Variants in FMN1 observed in about 807,000 individuals in gnomAD.
FMN1 encodes the protein formin-1.
FMN1 carries 110 observed loss-of-function variants against 132.4 expected under a neutral mutation model. That is an observed-to-expected ratio of 0.83 (90% CI 0.71 to 0.97). FMN1 has a LOEUF of 0.97. Among genes scored for constraint, FMN1 ranks in the 50% least tolerant of loss-of-function variants. FMN1 has a pLI of 0.00. For synonymous variants in FMN1, 722 were observed against 651.7 expected (o/e 1.11, Z -1.64); for missense variants, 1,792 against 1,705.3 (o/e 1.05, Z -0.90).
intron 16 of FMN1, among the ~76,000 whole-genome samples, chr15:32,881,662 T>C (rs886301954): frequency 6.6e-6 from 1 of 152,180 alleles, no homozygotes; most frequent in African/African-American, 2.4e-5. Flanking sequence ...CTAATTTTTG[T>C]CTTTTTTCCT....
At chr15:33,041,422 G>T (rs1596533700) in intron 6 of FMN1, among the ~76,000 whole-genome samples, 1 of 126,086 alleles carries the variant, frequency 7.9e-6, no homozygotes, top group Non-Finnish European at 1.6e-5. Context: ...GAAAAAAATA[G>T]TTACTATTCA....
chr15:33,043,786 CCTTCTAAGTTGGCAGGG>C (rs1432302297), intron 6 of FMN1, among the ~76,000 whole-genome samples: 1 of 152,232 alleles, frequency 6.6e-6, no homozygotes, highest in Admixed American at 6.5e-5. Context: ...AAGCCCCACC[CCTTCTAAGTTGGCAGGG>C]CACAGCTGCA....
At chr15:32,972,439 T>C (rs1227054943) in intron 7 of FMN1, among the ~76,000 whole-genome samples, 2 of 152,228 alleles carry the variant, frequency 1.3e-5, no homozygotes, top group Non-Finnish European at 1.5e-5. Context: ...ACCCAATTAC[T>C]GGCTTTCATC....
intron 16 of FMN1, among the ~76,000 whole-genome samples, chr15:32,869,680 C>T (rs1222998269): frequency 6.6e-6 from 1 of 152,084 alleles, no homozygotes; most frequent in Non-Finnish European, 1.5e-5. Context: ...AACCCTGGGG[C>T]ATGTGCACAG....
At chr15:33,004,956 G>C (rs546028612) in intron 7 of FMN1, among the ~76,000 whole-genome samples, 9 of 152,048 alleles carry the variant, frequency 5.9e-5, no homozygotes, top group Admixed American at 3.9e-4. Flanking sequence ...ACCAAACACC[G>C]TATGTTCTCA....
intron 6 of FMN1, among the ~76,000 whole-genome samples, chr15:33,042,548 T>C (rs2036487786): frequency 1.3e-5 from 2 of 152,046 alleles, no homozygotes; most frequent in African/African-American, 2.4e-5. Context: ...GAGAAATACA[T>C]CAGCCAAAAA....
intron 4 of FMN1, among the ~76,000 whole-genome samples, chr15:33,107,380 C>A (rs1485452962): frequency 1.3e-5 from 2 of 152,060 alleles, no homozygotes; most frequent in Non-Finnish European, 2.9e-5. Flanking sequence ...CACACCATTC[C>A]TCAGATCAAA....
At chr15:32,828,543 T>C (rs2058426914) in intron 17 of FMN1, among the ~76,000 whole-genome samples, 2 of 152,148 alleles carry the variant, frequency 1.3e-5, no homozygotes, top group Admixed American at 6.5e-5. Flanking sequence ...TAACAGTGAA[T>C]AGACTCTAGC....
chr15:33,077,502 T>C (rs1398622093), intron 5 of FMN1, among the ~76,000 whole-genome samples: 3 of 151,956 alleles, frequency 2.0e-5, no homozygotes, highest in African/African-American at 7.2e-5. Context: ...CTCATAATGC[T>C]ATCCCTCCCC....
At chr15:33,032,333 A>C (rs1324982448) in intron 6 of FMN1, among the ~76,000 whole-genome samples, 1 of 152,268 alleles carries the variant, frequency 6.6e-6, no homozygotes, top group Admixed American at 6.5e-5. Flanking sequence ...GCAAGTATTC[A>C]TTACAATGTT....
chr15:33,073,091 C>T (rs947985601), intron 5 of FMN1, among the ~76,000 whole-genome samples: 3 of 152,086 alleles, frequency 2.0e-5, no homozygotes, highest in Non-Finnish European at 4.4e-5. Context: ...TATCGTTTTG[C>T]GAAAACTGGA....
At chr15:33,031,975 AATC>A (rs2035958057) in intron 6 of FMN1, among the ~76,000 whole-genome samples, 1 of 40,770 alleles carries the variant, frequency 2.5e-5, no homozygotes, top group African/African-American at 1.0e-4. Context: ...GTTGTCTAAA[AATC>A]AATAAATGTA....
intron 4 of FMN1, among the ~76,000 whole-genome samples, chr15:33,103,108 T>C (rs746577948): frequency 4.6e-5 from 7 of 152,154 alleles, no homozygotes; most frequent in East Asian, 1.9e-4. Flanking sequence ...ATCTGTTGAA[T>C]ACAATAATTG....
intron 16 of FMN1, among the ~76,000 whole-genome samples, chr15:32,864,601 CA>C (rs2059349797): frequency 6.6e-6 from 1 of 152,126 alleles, no homozygotes; most frequent in Non-Finnish European, 1.5e-5. Flanking sequence ...TTAAAGTGGT[CA>C]AAAAACTCCG....
At chr15:32,963,515 A>G (rs543249071) in intron 9 of FMN1, among the ~76,000 whole-genome samples, 31 of 152,148 alleles carry the variant, frequency 2.0e-4, no homozygotes, top group African/African-American at 2.6e-4. Flanking sequence ...AGAAGAAGAA[A>G]AAAAAAAGAA....
At chr15:33,018,754 A>G (rs1280698684) in intron 6 of FMN1, among the ~76,000 whole-genome samples, 5 of 151,858 alleles carry the variant, frequency 3.3e-5, no homozygotes, top group Admixed American at 2.6e-4. Context: ...GTTCCCTCTG[A>G]TGTTCGGATG....
At chr15:32,976,588 C>T (rs74012419) in intron 7 of FMN1, among the ~76,000 whole-genome samples, 3,363 of 152,094 alleles carry the variant, frequency 0.022, 119 homozygotes, top group African/African-American at 0.073. Flanking sequence ...ATTTTTTTGT[C>T]CTTATCAGAA....
chr15:32,978,386 T>G (rs1351832760), intron 7 of FMN1, among the ~76,000 whole-genome samples: 1 of 152,204 alleles, frequency 6.6e-6, no homozygotes, highest in African/African-American at 2.4e-5. Flanking sequence ...AATATTTTAT[T>G]TCTAAATTAT....
At chr15:33,094,829 A>G (rs570394369) in intron 4 of FMN1, among the ~76,000 whole-genome samples, 3 of 152,328 alleles carry the variant, frequency 2.0e-5, no homozygotes, top group African/African-American at 7.2e-5. Context: ...GTTACACTGG[A>G]TATTTTAACA....
Sources: gnomAD v4.1 joint callset for allele counts (sites outside exome capture counted in the v4.1 genomes callset) on GRCh38, gnomAD v4.1.1 for gene constraint, MANE v1.5 for transcripts, NCBI Gene and HGNC (gene_info 2026-07-23, HGNC 2026-07-21) for gene names.